Variants in NCS1 observed in about 807,000 individuals in gnomAD.
NCS1 encodes frequenin homolog.
A neutral mutation model predicts 28.4 loss-of-function variants in NCS1; 6 were observed. The ratio of observed to expected loss-of-function variants is 0.21; its 90% CI spans 0.12 to 0.42. NCS1 has a LOEUF of 0.42. NCS1 is among the 10% of genes least tolerant of loss of function. The pLI, the probability that NCS1 is intolerant of heterozygous loss-of-function variation, is 1.00. For synonymous variants in NCS1, 86 were observed against 99.3 expected, an observed-to-expected ratio of 0.87 and a Z score of 0.79; for missense variants, 131 against 241.4, an observed-to-expected ratio of 0.54 and a Z score of 3.03.
intron 2 of NCS1, among the ~76,000 whole-genome samples, chr9:130,213,016 C>T (rs1038507561): frequency 6.6e-6 from 1 of 152,156 alleles, no homozygotes; most frequent in African/African-American, 2.4e-5. Flanking sequence ...GAGGCAGGCT[C>T]CCTCCTCCAC....
intron 2 of NCS1, among the ~76,000 whole-genome samples, chr9:130,207,306 C>A (rs1547812): frequency 6.6e-6 from 1 of 152,190 alleles, no homozygotes; most frequent in Non-Finnish European, 1.5e-5. Flanking sequence ...CACCTTGCCT[C>A]GCCCACAGGG....
At chr9:130,189,256 AC>A (rs1339606786) in intron 1 of NCS1, among the ~76,000 whole-genome samples, 1 of 152,162 alleles carries the variant, frequency 6.6e-6, no homozygotes, top group Non-Finnish European at 1.5e-5. Flanking sequence ...ACGTATTGTG[AC>A]CGCCACTATT....
At chr9:130,221,399 TATATATATATATATAGAGAGAGAGAG>T (rs1401624649) in intron 4 of NCS1, among the ~76,000 whole-genome samples, 533 of 49,954 alleles carry the variant, frequency 0.011, 6 homozygotes, top group African/African-American at 0.035. Context: ...TATATATATA[TATATATATATATATAGAGAGAGAGAG>T]AGAGAGAGAG....
At chr9:130,211,133 G>A (rs1191202789) in intron 2 of NCS1, among the ~76,000 whole-genome samples, 3 of 151,004 alleles carry the variant, frequency 2.0e-5, no homozygotes, top group South Asian at 2.1e-4. Context: ...GATTCCAGGT[G>A]TGAGCCACCT....
In NCS1 at chr9:130,174,312, C is replaced by T. The variant is rs111243056; in HGVS notation, c.64+1585C>T. 3.9e-3 allele frequency among the ~76,000 whole-genome samples: 601 copies of T among 152,312 alleles called. 5 individuals carry two copies. Among genetic ancestry groups the T allele is most frequent in the African/African-American group, 0.014 (573 of 41,564 alleles). On this transcript the variant is annotated intron_variant, in intron 1 of 7. Coordinates refer to ENST00000372398, the MANE Select transcript of NCS1 (RefSeq NM_014286.4). ...GAGTGAAGCCAGGTTTCCTGCTCAT[C>T]GAGCATGTCACGTGCCAAGCTCTTG... is the stretch of plus-strand genomic sequence containing the variant.
At chr9:130,187,845 G>T (rs914351490) in intron 1 of NCS1, among the ~76,000 whole-genome samples, 1 of 152,218 alleles carries the variant, frequency 6.6e-6, no homozygotes, top group South Asian at 2.1e-4. Context: ...GTGACCGTGT[G>T]GCTTCTGTGA....
At chr9:130,172,780 GC>G in intron 1 of NCS1, 53 bp downstream of exon 1, 1 of 618,626 alleles carries the variant, frequency 1.6e-6, no homozygotes, top group Non-Finnish European at 2.0e-6. Context: ...CACACCCACC[GC>G]CCCCGCCCCC....
intron 1 of NCS1, among the ~76,000 whole-genome samples, chr9:130,187,756 C>T (rs1279945529): frequency 6.6e-6 from 1 of 152,240 alleles, no homozygotes; most frequent in Non-Finnish European, 1.5e-5. Flanking sequence ...CTCTTCACCT[C>T]TCGCCTCTGT....
intron 4 of NCS1, among the ~76,000 whole-genome samples, chr9:130,221,711 G>A (rs1436471244): frequency 7.3e-6 from 1 of 136,712 alleles, no homozygotes; most frequent in Non-Finnish European, 1.6e-5. Flanking sequence ...GGATTATAGG[G>A]GTGAGTCACT....
chr9:130,189,879 A>AAAATATAT (rs1554906056), intron 1 of NCS1, among the ~76,000 whole-genome samples: 3 of 37,746 alleles, frequency 7.9e-5, no homozygotes, highest in African/African-American at 3.5e-4. Context: ...AAAAAAAAAA[A>AAAATATAT]ATATATATAT....
In NCS1 at chr9:130,209,145, C is replaced by T. The variant is rs185084030; in HGVS notation, c.89+8163C>T. Among the ~76,000 whole-genome samples, 5 of 152,296 alleles carry T rather than the reference C, an allele frequency of 3.3e-5. No individual in the cohort carries two copies. The highest frequency in any genetic ancestry group is 1.3e-4 in the Admixed American group (2 of 15,300). On this transcript the variant is annotated intron_variant, in intron 2 of 7. Transcript: ENST00000372398. This position sits in a 1 kb window ranked among gnomAD's most constrained non-coding sequence, Gnocchi z 4.4. The stretch of plus-strand genomic sequence containing the variant: ...GAATAATTTGCCGAGGCTGCCGCTG[C>T]GCCCATCCCCGCTGCGCCTGGCTGA...
chr9:130,190,669 C>T (rs1230034740), intron 1 of NCS1, among the ~76,000 whole-genome samples: 2 of 152,198 alleles, frequency 1.3e-5, no homozygotes, highest in Non-Finnish European at 2.9e-5. Context: ...TCTTTGACAG[C>T]GTGCGGGAGG....
At position 130,180,118 on chromosome 9, in the gene NCS1, G is replaced by A. The variant is rs527809076; in HGVS notation, c.64+7391G>A. Among the ~76,000 whole-genome samples the A allele has an allele frequency of 3.3e-5, 5 of 152,026 alleles. No individual in the cohort carries two copies. The East Asian group carries it at 5.8e-4, about 18-fold the overall frequency. On this transcript the variant is annotated intron_variant, in intron 1 of 7. Coordinates refer to ENST00000372398, the MANE Select transcript of NCS1 (RefSeq NM_014286.4). The surrounding 1 kb of genome is among the most constrained non-coding windows in gnomAD (Gnocchi z 4.5). ...GGCGCGATCTCGGCTCACTATAATC[G>A]CCACCTCCCGGGTTCAAGCTGTTCT... is the stretch of plus-strand genomic sequence containing the variant.
rs563180525 is a variant in NCS1, at chr9:130,186,637, A to T, written c.64+13910A>T. 9.2e-5 allele frequency among the ~76,000 whole-genome samples: 14 copies of T among 152,278 alleles called. No individual in the cohort carries two copies. The South Asian group carries it at 2.7e-3, about 29-fold the overall frequency. ...GGTGGGAGACACAGAGCTGGTCTCC[A>T]TCACAGCTCAGGCAGAAGCCAAATT... On this transcript the variant is annotated intron_variant, in intron 1 of 7. Coordinates refer to ENST00000372398, the MANE Select transcript of NCS1 (RefSeq NM_014286.4). This position sits in a 1 kb window ranked among gnomAD's most constrained non-coding sequence, Gnocchi z 4.1.
chr9:130,203,137 T>TATATATATATATATATA (rs1491343446), intron 2 of NCS1, among the ~76,000 whole-genome samples: 3 of 32,548 alleles, frequency 9.2e-5, no homozygotes, highest in African/African-American at 3.1e-4. Flanking sequence ...TATATATATA[T>TATATATATATATATATA]TTTTTTTTTT....
intron 2 of NCS1, among the ~76,000 whole-genome samples, chr9:130,202,101 G>C (rs971916079): frequency 4.6e-5 from 7 of 152,192 alleles, no homozygotes; most frequent in Non-Finnish European, 1.0e-4. Context: ...CCAGGCGTCT[G>C]CCACCCTCCC....
chr9:130,227,416 TAAG>T (rs1833430932), intron 7 of NCS1, among the ~76,000 whole-genome samples: 1 of 152,190 alleles, frequency 6.6e-6, no homozygotes, highest in Non-Finnish European at 1.5e-5. Flanking sequence ...GGTGTATATG[TAAG>T]GGTAGAATTG....
At position 130,191,401 on chromosome 9, in the gene NCS1, G is replaced by A. The variant is rs1007611851; in HGVS notation, c.65-9557G>A. ...ACTCGCCATTCCTGAAGACAGGCTG[G>A]GAGATCCCCCAACAGGTGAAATACC... On this transcript the variant is annotated intron_variant, in intron 1 of 7. Coordinates refer to ENST00000372398, the MANE Select transcript of NCS1 (RefSeq NM_014286.4). The surrounding 1 kb of genome is among the most constrained non-coding windows in gnomAD (Gnocchi z 6.4). 6.6e-6 allele frequency among the ~76,000 whole-genome samples: 1 copy of A among 152,156 alleles called. No homozygotes were observed. The highest frequency in any genetic ancestry group is 1.5e-5 in the Non-Finnish European group (1 of 68,024).
Position 130,219,938 on chromosome 9 carries a change from TGCAGAGGGCAGGCCTGG to T in NCS1, c.307+138_307+154del, listed in dbSNP as rs1222442959. 9.3e-6 allele frequency: 9 copies of T among 969,924 alleles called. No individual in the cohort carries two copies. In the East Asian group the frequency reaches 2.1e-4, roughly 22 times the overall value. The allele number at this position is 969,924 out of a possible 1,614,324, so 60.1% of individuals were successfully genotyped here. ...CCACAGATGGCGTCCCAGCTGTGTC[TGCAGAGGGCAGGCCTGG>T]GCCCTGGGCAGGTGGCCCTCACACG... is the stretch of plus-strand genomic sequence containing the variant. On this transcript the variant is annotated intron_variant, in intron 4 of 7. Transcript: ENST00000372398. The surrounding 1 kb of genome is among the most constrained non-coding windows in gnomAD (Gnocchi z 5.7).
Sources: gnomAD v4.1 joint callset for allele counts (sites outside exome capture counted in the v4.1 genomes callset) on GRCh38, gnomAD v4.1.1 for gene constraint, Gnocchi (gnomAD v3.1) non-coding constraint, MANE v1.5 for transcripts, NCBI Gene and HGNC (gene_info 2026-07-23, HGNC 2026-07-21) for gene names.